The following ZMYND8 variants were observed in gnomAD, a reference collection of about 807,000 sequenced individuals.
ZMYND8 encodes the protein zinc finger MYND-type containing 8, also known as MYND-type zinc finger-containing chromatin reader ZMYND8.
ZMYND8 carries 37 observed loss-of-function variants against 140.8 expected under a neutral mutation model. That is an observed-to-expected ratio of 0.26 (90% confidence interval 0.20 to 0.35). The LOEUF is 0.35. ZMYND8 is among the 10% of genes least tolerant of loss of function. ZMYND8 has a pLI of 1.00. For missense variants in ZMYND8, 1,068 were observed against 1,570.0 expected (o/e 0.68, Z 5.40); for synonymous variants, 592 against 597.1 (o/e 0.99, Z 0.12).
intron 5 of ZMYND8, among the ~76,000 whole-genome samples, chr20:47,294,460 A>T (rs561660047): frequency 6.6e-6 from 1 of 152,068 alleles, no homozygotes; most frequent in South Asian, 2.1e-4. Flanking sequence ...TACCAATTAA[A>T]CTCCTCTGGG....
At chr20:47,307,578 A>T (rs1490625711) in intron 3 of ZMYND8, among the ~76,000 whole-genome samples, 1 of 152,124 alleles carries the variant, frequency 6.6e-6, no homozygotes, top group African/African-American at 2.4e-5. Flanking sequence ...CATCTCTTAA[A>T]AAGAGGGTAG....
At position 47,316,136 on chromosome 20, in the gene ZMYND8, G is replaced by T. The variant is rs548346070; in HGVS notation, c.86-5932C>A. Reference sequence around the variant, plus strand: ...TCACAAGGTCAGGAGTTCGAGACCAGCCTGACCAACATGGTGAAACCCCGT... The same window carrying T: ...TCACAAGGTCAGGAGTTCGAGACCATCCTGACCAACATGGTGAAACCCCGT... On this transcript the variant is annotated intron_variant, in intron 2 of 22. Transcript: ENST00000471951. Among the ~76,000 whole-genome samples the T allele has an allele frequency of 5.3e-5, 8 of 152,100 alleles. No individual in the cohort carries two copies. The South Asian group carries it at 1.7e-3, about 32-fold the overall frequency.
intron 1 of ZMYND8, 32 bp from the exon 2 acceptor site, chr20:47,347,958 G>T: frequency 6.2e-7 from 1 of 1,610,584 alleles, no homozygotes. Flanking sequence ...TCATGTTTAG[G>T]AAGGCTGAGA....
chr20:47,269,037 T>G lies in ZMYND8; in HGVS notation c.1481-6609A>C, dbSNP rs560809302. ...CCAACATGGCAAAACCGCTCTCTAC[T>G]AAAAATAAAAAACCAGCCAGGTGTG... On this transcript the variant is annotated intron_variant, in intron 11 of 22. Transcript: ENST00000471951. Among the ~76,000 whole-genome samples the G allele has an allele frequency of 5.3e-5, 8 of 151,868 alleles. No individual in the cohort carries two copies. The East Asian group carries it at 1.4e-3, about 26-fold the overall frequency.
At chr20:47,243,994 A>G (rs1417908719) in intron 14 of ZMYND8, among the ~76,000 whole-genome samples, 1 of 152,132 alleles carries the variant, frequency 6.6e-6, no homozygotes, top group African/African-American at 2.4e-5. Flanking sequence ...TCCCTCCCTT[A>G]TGTAACTGTA....
chr20:47,354,105 C>G (rs1186815080), intron 1 of ZMYND8: 1 of 152,044 alleles, frequency 6.6e-6, no homozygotes, highest in Non-Finnish European at 1.5e-5. Context: ...GAAAATAATG[C>G]TACTTTGAAA....
At position 47,239,093 on chromosome 20, in the gene ZMYND8, G is replaced by C; in HGVS notation, c.2330C>G (p.Pro777Arg). The C allele has an allele frequency of 2.0e-6, 3 of 1,522,290 alleles. No individual in the cohort carries two copies. The highest frequency in any genetic ancestry group is 1.8e-4 in the Middle Eastern group (1 of 5,642). 94.3% of individuals were successfully genotyped at this position (1,522,290 alleles called of 1,614,324 possible). A position where few individuals can be genotyped will look rare whatever the true frequency, so the allele number is the denominator to read the frequency against. The change falls in exon 15 of 23, where the codon CCC becomes CGC. Residue 777 changes from proline (P) to arginine (R), a missense_variant. This residue lies in a region of ZMYND8 where 383 missense variants were observed against 431.2 expected (regional missense o/e 0.89). Coordinates refer to ENST00000471951, the MANE Select transcript of ZMYND8 (RefSeq NM_001281775.3). Reference sequence around the variant, plus strand: ...GCGGGTGAGCACCGGTGTTTCCGGGGGAGAATGGCTGCCCACCGTCGTGGA... The same window carrying C: ...GCGGGTGAGCACCGGTGTTTCCGGGCGAGAATGGCTGCCCACCGTCGTGGA... The part of the protein sequence containing the change: ...PPSTTVGSHS[P>R]PETPVLTRSS...
At position 47,221,387 on chromosome 20, in the gene ZMYND8, G is replaced by A; in HGVS notation, c.3344C>T (p.Ser1115Leu). ...GGCGCTGGCCGTTTCTGAAGGTGCT[G>A]ATTGTGTGCTCGAGGAGCTCCCCTG... The part of the protein sequence containing the change: ...SSQGSSSSTQ[S>L]APSETASASK... Residue 1115 changes from serine to leucine, a missense_variant, in exon 20 of 23, where the codon TCA becomes TTA. This residue lies in a region of ZMYND8 where 180 missense variants were observed against 187.8 expected (regional missense o/e 0.96). Transcript: ENST00000471951. The A allele has an allele frequency of 1.9e-6, 3 of 1,614,234 alleles. No homozygotes were observed. Among genetic ancestry groups the A allele is most frequent in the Non-Finnish European group, 2.5e-6 (3 of 1,180,038 alleles).
In ZMYND8 at chr20:47,305,365, C is replaced by T. The variant is rs181665320; in HGVS notation, c.234+4691G>A. 2.8e-4 allele frequency among the ~76,000 whole-genome samples: 42 copies of T among 151,962 alleles called. 1 individual carries two copies. The South Asian group carries it at 5.8e-3, about 21-fold the overall frequency. Reference sequence around the variant, plus strand: ...AAGCGATTCTCATGTCTCAGCCTCCCGAGCAGCTGGGATTACAGGTGCGCA... The same window carrying T: ...AAGCGATTCTCATGTCTCAGCCTCCTGAGCAGCTGGGATTACAGGTGCGCA... On this transcript the variant is annotated intron_variant, in intron 3 of 22. Coordinates refer to ENST00000471951, the MANE Select transcript of ZMYND8 (RefSeq NM_001281775.3).
At chr20:47,251,513 G>C (rs140287325) in intron 12 of ZMYND8, among the ~76,000 whole-genome samples, 88 of 152,010 alleles carry the variant, frequency 5.8e-4, no homozygotes, top group African/African-American at 2.0e-3. Flanking sequence ...CTTGAGCCCA[G>C]GAGTTTGAGG....
intron 2 of ZMYND8, chr20:47,318,606 C>T (rs562410602): frequency 1.0e-5 from 4 of 394,606 alleles, no homozygotes; most frequent in African/African-American, 2.1e-5. Context: ...AAATGAAAAC[C>T]GCTCGCATTA....
intron 7 of ZMYND8, among the ~76,000 whole-genome samples, chr20:47,287,485 C>G (rs1018815522): frequency 2.6e-5 from 4 of 152,150 alleles, no homozygotes; most frequent in Non-Finnish European, 4.4e-5. Context: ...TCTTTGGCGC[C>G]TCGATGTCAT....
rs565340588 is a variant in ZMYND8 at position 47,261,604 on chromosome 20, A to G, written c.1621+684T>C. ...TCATCATCATCATCATCCAGGGAATAAAGACCAGAGTGTAAGAATTAGAAG... is the reference window on the plus strand; with the variant it reads ...TCATCATCATCATCATCCAGGGAATGAAGACCAGAGTGTAAGAATTAGAAG... On this transcript the variant is annotated intron_variant, in intron 12 of 22. Transcript: ENST00000471951. Among the ~76,000 whole-genome samples, 3 of 152,142 alleles carry G rather than the reference A, an allele frequency of 2.0e-5. No homozygotes were observed. In the South Asian group the frequency reaches 6.2e-4, roughly 32 times the overall value.
intron 11 of ZMYND8, among the ~76,000 whole-genome samples, chr20:47,267,329 T>C (rs2075600504): frequency 6.6e-6 from 1 of 152,136 alleles, no homozygotes; most frequent in South Asian, 2.1e-4. Context: ...TGGAAATGTT[T>C]TAGAACTAGA....
intron 12 of ZMYND8, among the ~76,000 whole-genome samples, chr20:47,251,464 G>A (rs989998225): frequency 6.6e-5 from 10 of 151,916 alleles, no homozygotes; most frequent in Admixed American, 3.3e-4. Flanking sequence ...GTGCACGCCT[G>A]TAAACCTAGC....
Position 47,210,843 on chromosome 20 carries a change from G to A in ZMYND8, c.3623C>T (p.Ser1208Leu), listed in dbSNP as rs144592314. ...SWSSSDEKRG[S>L]TRSDHNTSTS... is the part of the protein sequence containing the mutation. ...ACTGGTGTTGTGATCGGAACGTGTCGATCCCCTCTTCTCATCACTGCTGCT... is the reference window on the plus strand; with the variant it reads ...ACTGGTGTTGTGATCGGAACGTGTCAATCCCCTCTTCTCATCACTGCTGCT... The change falls in exon 23 of 23, where the codon TCG becomes TTG. Residue 1208 changes from serine (S) to leucine (L), a missense_variant. Transcript: ENST00000471951. The A allele has an allele frequency of 1.7e-4, 274 of 1,613,988 alleles. No homozygotes were observed. In the East Asian group the frequency reaches 2.5e-3, roughly 15 times the overall value.
chr20:47,290,060 T>C, intron 7 of ZMYND8, 127 bp downstream of exon 7: 2 of 855,708 alleles, frequency 2.3e-6, no homozygotes, highest in Non-Finnish European at 3.4e-6. Flanking sequence ...CCTATTCACA[T>C]ATATTAGCAC....
chr20:47,220,422 C>T, intron 20 of ZMYND8, 98 bp from the exon 21 acceptor site: 2 of 984,630 alleles, frequency 2.0e-6, no homozygotes, highest in South Asian at 1.4e-5. Flanking sequence ...CATCGCTGCC[C>T]CCAAAGCATC....
intron 14 of ZMYND8, 57 bp downstream of exon 14, chr20:47,245,951 T>C (rs2040517779): frequency 1.3e-6 from 2 of 1,530,494 alleles, no homozygotes; most frequent in African/African-American, 2.8e-5. Flanking sequence ...ATAGTAAGTG[T>C]ACGAGGTAGG....
Sources: gnomAD v4.1 joint callset for allele counts (sites outside exome capture counted in the v4.1 genomes callset) on GRCh38, gnomAD v4.1.1 for gene constraint, gnomAD v4.1.1 regional missense constraint, MANE v1.5 for transcripts, NCBI Gene and HGNC (gene_info 2026-07-23, HGNC 2026-07-21) for gene names.